Variants in MMD2 observed in about 807,000 individuals in gnomAD.
The protein encoded by MMD2 is monocyte to macrophage differentiation associated 2.
A neutral mutation model predicts 33.5 loss-of-function variants in MMD2; 30 were observed. The observed-to-expected ratio is 0.90, with a 90% CI of 0.67 to 1.22. The LOEUF (loss-of-function observed/expected upper bound fraction) is 1.22. MMD2 is among the 50% of genes most tolerant of loss of function. MMD2 has a pLI of 0.00. For synonymous variants in MMD2, 129 were observed against 123.0 expected (o/e 1.05, Z -0.32); for missense variants, 364 against 325.4 (o/e 1.12, Z -0.91).
chr7:4,915,750 G>GA (rs59352970), intron 4 of MMD2, among the ~76,000 whole-genome samples: 5,748 of 102,310 alleles, frequency 0.056, 291 homozygotes, highest in African/African-American at 0.15. Context: ...AGAATTCTCA[G>GA]AAAAAAAAAA....
chr7:4,959,103 G>T lies in MMD2; in HGVS notation c.-86C>A. 1 of 1,107,452 alleles carries T rather than the reference G, an allele frequency of 9.0e-7. No individual in the cohort carries two copies. Among genetic ancestry groups the T allele is most frequent in the Middle Eastern group, 3.1e-4 (1 of 3,268 alleles). 68.6% of individuals were successfully genotyped at this position (1,107,452 alleles called of 1,614,324 possible). A position where few individuals can be genotyped will look rare whatever the true frequency, so the allele number is the denominator to read the frequency against. ...GGGGGCGCGGCGGCGGCAGCAGCAG[G>T]TTGGAGGGCGCGCGGCGGGGGCCAA... On this transcript the variant is annotated 5_prime_UTR_variant, in exon 1 of 7. Transcript: ENST00000401401.
intron 2 of MMD2, among the ~76,000 whole-genome samples, chr7:4,922,362 G>C (rs1785310200): frequency 6.6e-6 from 1 of 152,082 alleles, no homozygotes; most frequent in Admixed American, 6.6e-5. Context: ...TTGAGGCCAG[G>C]AGTTTGAGAC....
At chr7:4,923,693 G>A (rs1179976398) in intron 2 of MMD2, among the ~76,000 whole-genome samples, 2 of 152,164 alleles carry the variant, frequency 1.3e-5, no homozygotes, top group Non-Finnish European at 2.9e-5. Flanking sequence ...CCAAGCCTCA[G>A]TTTCCTCCCT....
intron 1 of MMD2, among the ~76,000 whole-genome samples, chr7:4,943,004 CTTT>C (rs33983457): frequency 1.3e-3 from 112 of 85,676 alleles, no homozygotes; most frequent in Middle Eastern, 0.013. Context: ...CTGCCCTTTT[CTTT>C]TTTTTTTTTT....
intron 4 of MMD2, among the ~76,000 whole-genome samples, chr7:4,912,526 C>T (rs1785041089): frequency 6.6e-6 from 1 of 150,512 alleles, no homozygotes; most frequent in African/African-American, 2.4e-5. Flanking sequence ...CGCGCCACTG[C>T]ACTCCAGCCT....
At chr7:4,903,400 C>T (rs902801608), downstream of MMD2, among the ~76,000 whole-genome samples, 7 of 152,150 alleles carry the variant, frequency 4.6e-5, no homozygotes, top group South Asian at 1.2e-3. Context: ...TCCCCCTCCC[C>T]ACCCTCAAGC....
At chr7:4,915,284 T>C (rs1471303632) in intron 4 of MMD2, among the ~76,000 whole-genome samples, 1 of 151,052 alleles carries the variant, frequency 6.6e-6, no homozygotes, top group Non-Finnish European at 1.5e-5. Context: ...AAAAAAAAAT[T>C]AAAAATTTAA....
intron 1 of MMD2, among the ~76,000 whole-genome samples, chr7:4,934,249 C>A (rs935361728): frequency 2.0e-5 from 3 of 151,674 alleles, no homozygotes; most frequent in Non-Finnish European, 4.4e-5. Flanking sequence ...TTTATTTTTT[C>A]CACCACCACA....
chr7:4,924,183 C>G (rs1785362095), intron 2 of MMD2, among the ~76,000 whole-genome samples: 1 of 151,916 alleles, frequency 6.6e-6, no homozygotes, highest in African/African-American at 2.4e-5. Context: ...CAGAGCGAGA[C>G]TTCGTCTCAA....
the MMD2 span, among the ~76,000 whole-genome samples, chr7:4,893,852 G>A: frequency 2.0e-5 from 3 of 152,152 alleles, no homozygotes; most frequent in Non-Finnish European, 2.9e-5. Flanking sequence ...TGATGCCAGT[G>A]GGAGTGTCTT....
At chr7:4,912,673 A>G (rs1282566585) in intron 4 of MMD2, among the ~76,000 whole-genome samples, 1 of 151,918 alleles carries the variant, frequency 6.6e-6, no homozygotes, top group African/African-American at 2.4e-5. Context: ...ACTGAGGAAG[A>G]GGGTCCTTTA....
chr7:4,951,445 C>G (rs569045199), intron 1 of MMD2, among the ~76,000 whole-genome samples: 2 of 152,172 alleles, frequency 1.3e-5, no homozygotes, highest in East Asian at 1.9e-4. Flanking sequence ...CACTTCACCC[C>G]CCAATGGCCT....
At chr7:4,901,668 C>T (rs975232210), downstream of MMD2, among the ~76,000 whole-genome samples, 2 of 152,214 alleles carry the variant, frequency 1.3e-5, no homozygotes, top group African/African-American at 4.8e-5. Context: ...TTCTGAATGT[C>T]TCTGTGACAG....
At chr7:4,904,524 A>C (rs1030310777), downstream of MMD2, among the ~76,000 whole-genome samples, 2 of 152,192 alleles carry the variant, frequency 1.3e-5, no homozygotes, top group Non-Finnish European at 2.9e-5. Flanking sequence ...ACCAGACTAC[A>C]GTTGGAAATT....
chr7:4,926,144 C>G (rs574489675), intron 1 of MMD2, among the ~76,000 whole-genome samples: 4 of 151,436 alleles, frequency 2.6e-5, no homozygotes, highest in African/African-American at 9.7e-5. Context: ...GTCTCTCAGG[C>G]TGGAGTGCAG....
the MMD2 span, among the ~76,000 whole-genome samples, chr7:4,898,998 G>A: frequency 6.6e-6 from 1 of 152,026 alleles, no homozygotes; most frequent in Non-Finnish European, 1.5e-5. Context: ...AGGAAGCTAG[G>A]AAGGAAGGAA....
intron 6 of MMD2, among the ~76,000 whole-genome samples, chr7:4,908,286 C>A (rs369026787): frequency 1.1e-4 from 16 of 151,558 alleles, no homozygotes; most frequent in African/African-American, 3.6e-4. Context: ...GGACTACAGG[C>A]ATGCACCACC....
chr7:4,934,980 G>A (rs1318104437), intron 1 of MMD2, among the ~76,000 whole-genome samples: 1 of 152,182 alleles, frequency 6.6e-6, no homozygotes, highest in Non-Finnish European at 1.5e-5. Context: ...GAGATCAGGA[G>A]TTCAAAGCCA....
rs775565271 is a variant in MMD2 at position 4,911,236 on chromosome 7, G to A, written c.376C>T (p.Arg126Trp). 2.7e-5 allele frequency: 43 copies of A among 1,590,216 alleles called. No individual in the cohort carries two copies. Among genetic ancestry groups the A allele is most frequent in the Non-Finnish European group, 3.4e-5 (40 of 1,168,928 alleles). ...AASYAPWLNL[R>W]ELGPWASHMR... is the part of the protein sequence containing the mutation. ...TGGGAGGCCCAGGGGCCCAGCTCCC[G>A]AAGGTTCAGCCTGGGAGAGAAAGAG... is the stretch of plus-strand genomic sequence containing the variant. The change falls in exon 5 of 7, where the codon CGG becomes TGG. Residue 126 changes from arginine to tryptophan, a missense_variant. Arg to Trp is a moderately radical substitution (Grantham distance 101, BLOSUM62 -3). Coordinates refer to ENST00000401401, the MANE Select transcript of MMD2 (RefSeq NM_198403.4).
Sources: allele counts gnomAD v4.1 joint callset (sites outside exome capture counted in the v4.1 genomes callset), GRCh38; gene constraint gnomAD v4.1.1; transcripts MANE v1.5; gene names NCBI Gene and HGNC (gene_info 2026-07-23, HGNC 2026-07-21).